PDE1C: variants seen among roughly 807,000 people sequenced by gnomAD.
The protein encoded by PDE1C is dual specificity calcium/calmodulin-dependent 3',5'-cyclic nucleotide phosphodiesterase 1C.
A neutral mutation model predicts 93.1 loss-of-function variants in PDE1C; 62 were observed. The ratio of observed to expected loss-of-function variants is 0.67; its 90% CI spans 0.54 to 0.82. The LOEUF is 0.82. Among genes scored for constraint, PDE1C ranks in the 40% least tolerant of loss-of-function variants. The probability of loss-of-function intolerance (pLI) is 0.00; values close to 1 mark genes in which losing one functional copy is unlikely to be tolerated. For missense variants in PDE1C, 742 were observed against 884.6 expected, an observed-to-expected ratio of 0.84 and a Z score of 2.04; for synonymous variants, 325 against 310.1, an observed-to-expected ratio of 1.05 and a Z score of -0.50.
At chr7:32,215,645 G>A (rs1055200464) in intron 1 of PDE1C, among the ~76,000 whole-genome samples, 1 of 152,146 alleles carries the variant, frequency 6.6e-6, no homozygotes, top group African/African-American at 2.4e-5. Flanking sequence ...TCACAGCTAC[G>A]ACACAAACAA....
At chr7:32,034,800 C>G (rs1584536095) in intron 2 of PDE1C, among the ~76,000 whole-genome samples, 1 of 152,106 alleles carries the variant, frequency 6.6e-6, no homozygotes, top group African/African-American at 2.4e-5. Flanking sequence ...CCATCATTTC[C>G]TGACCTTGGA....
At chr7:32,420,824 T>G (rs10229071) in intron 1 of PDE1C, among the ~76,000 whole-genome samples, 34,278 of 152,022 alleles carry the variant, frequency 0.23, 4,065 homozygotes, top group African/African-American at 0.25. Context: ...TCCTGTAAGA[T>G]TTGCTCATTA....
intron 2 of PDE1C, among the ~76,000 whole-genome samples, chr7:32,183,256 C>G (rs1405073335): frequency 6.6e-6 from 1 of 152,074 alleles, no homozygotes; most frequent in Non-Finnish European, 1.5e-5. Context: ...ATGCCATCCC[C>G]ATAAAGCTAC....
At chr7:31,655,339 C>T in the PDE1C span, among the ~76,000 whole-genome samples, 1 of 152,156 alleles carries the variant, frequency 6.6e-6, no homozygotes, top group African/African-American at 2.4e-5. Context: ...GAGTCTACTG[C>T]CACAAAATAC....
At chr7:32,331,213 A>G (rs1783507956) in intron 1 of PDE1C, among the ~76,000 whole-genome samples, 1 of 152,196 alleles carries the variant, frequency 6.6e-6, no homozygotes, top group Admixed American at 6.5e-5. Context: ...CTCCATCCTC[A>G]GAAGGATCCA....
At chr7:31,641,766 A>G in the PDE1C span, among the ~76,000 whole-genome samples, 5 of 152,326 alleles carry the variant, frequency 3.3e-5, no homozygotes, top group South Asian at 1.0e-3. Context: ...AAACTTTAGT[A>G]AAAAGAACAA....
chr7:32,381,799 A>G (rs1302013528), intron 1 of PDE1C, among the ~76,000 whole-genome samples: 1 of 151,962 alleles, frequency 6.6e-6, no homozygotes, highest in Non-Finnish European at 1.5e-5. Flanking sequence ...TTTGTTTATT[A>G]TCTATCTCCC....
intron 17 of PDE1C, among the ~76,000 whole-genome samples, chr7:31,768,741 C>G (rs1216533125): frequency 6.6e-6 from 1 of 152,092 alleles, no homozygotes; most frequent in Non-Finnish European, 1.5e-5. Context: ...CCCCTAATTC[C>G]TGTGTCTCAT....
chr7:32,298,852 T>A, exon 1 of PDE1C: 1 of 1,413,268 alleles, frequency 7.1e-7, no homozygotes, highest in Non-Finnish European at 9.1e-7. Context: ...CGCGCCGCGC[T>A]GTCACTCTCA....
intron 2 of PDE1C, among the ~76,000 whole-genome samples, chr7:31,905,551 T>A (rs1392026393): frequency 6.6e-6 from 1 of 152,194 alleles, no homozygotes; most frequent in Admixed American, 6.5e-5. Context: ...TACAATTTAA[T>A]GTGCACAAAT....
At chr7:31,677,037 T>C in the PDE1C span, among the ~76,000 whole-genome samples, 1 of 152,212 alleles carries the variant, frequency 6.6e-6, no homozygotes, top group Non-Finnish European at 1.5e-5. Flanking sequence ...CAAGTCTATA[T>C]ATAAATTTGA....
At chr7:31,814,677 T>C (rs1336196523) in intron 15 of PDE1C, among the ~76,000 whole-genome samples, 1 of 149,314 alleles carries the variant, frequency 6.7e-6, no homozygotes, top group Non-Finnish European at 1.5e-5. Context: ...AGAATGAATA[T>C]GTACAAAGAG....
chr7:31,737,526 G>A, the PDE1C span, among the ~76,000 whole-genome samples: 9 of 152,234 alleles, frequency 5.9e-5, 1 homozygote, highest in South Asian at 1.0e-3. Context: ...TCCAGGCTGG[G>A]TGCAGTGGCT....
At chr7:32,206,874 C>G (rs1419518695) in intron 2 of PDE1C, among the ~76,000 whole-genome samples, 1 of 152,214 alleles carries the variant, frequency 6.6e-6, no homozygotes, top group Non-Finnish European at 1.5e-5. Flanking sequence ...CAAGGTCAGT[C>G]TCAACTCTTC....
chr7:31,980,983 A>AT (rs892659018), intron 2 of PDE1C, among the ~76,000 whole-genome samples: 3 of 152,158 alleles, frequency 2.0e-5, no homozygotes, highest in African/African-American at 7.2e-5. Flanking sequence ...TCAATCACAC[A>AT]TGCAAAGTCC....
intron 3 of PDE1C, among the ~76,000 whole-genome samples, chr7:32,112,830 GTGTGTGTGTGTGTGTGTA>G (rs1418410023): frequency 1.7e-5 from 1 of 58,924 alleles, no homozygotes; most frequent in South Asian, 4.1e-4. Flanking sequence ...GTGTGTGTGT[GTGTGTGTGTGTGTGTGTA>G]TATATATATA....
chr7:31,874,952 C>T (rs1408674056), intron 5 of PDE1C, among the ~76,000 whole-genome samples: 1 of 152,200 alleles, frequency 6.6e-6, no homozygotes, highest in Non-Finnish European at 1.5e-5. Flanking sequence ...AATAACCTCA[C>T]CAATGACCCT....
rs187327646 is a variant in PDE1C at position 32,376,803 on chromosome 7, T to C, written c.310+51019A>G. 3.5e-3 allele frequency among the ~76,000 whole-genome samples: 538 copies of C among 152,238 alleles called. 2 individuals carry two copies. The highest frequency in any genetic ancestry group is 5.9e-3 in the Admixed American group (90 of 15,300). The stretch of plus-strand genomic sequence containing the variant: ...CCCAGGTTCACGCCATTCTCCCGCC[T>C]CAGCCTCCCGAGTAGCTGGGACTAC... On this transcript the variant is annotated intron_variant, in intron 1 of 1. Coordinates refer to the PDE1C transcript ENST00000672256.
intron 3 of PDE1C, among the ~76,000 whole-genome samples, chr7:31,880,035 T>G (rs774889883): frequency 2.0e-5 from 3 of 151,904 alleles, no homozygotes; most frequent in Non-Finnish European, 4.4e-5. Flanking sequence ...ATAATAATAA[T>G]AGTAAACCAT....
Sources: allele counts gnomAD v4.1 joint callset (sites outside exome capture counted in the v4.1 genomes callset), GRCh38; gene constraint gnomAD v4.1.1; transcripts MANE v1.5; gene names NCBI Gene and HGNC (gene_info 2026-07-23, HGNC 2026-07-21).